Variants in SHOC1 observed in about 807,000 individuals in gnomAD.
SHOC1 encodes the protein shortage in chiasmata 1.
A neutral mutation model predicts 179.2 loss-of-function variants in SHOC1; 136 were observed. That is an observed-to-expected ratio of 0.76 (90% CI 0.66 to 0.87). SHOC1 has a LOEUF of 0.87. Ranked by LOEUF, SHOC1 falls within the 40% of genes least tolerant of loss-of-function variation. The pLI is 0.00. For missense variants in SHOC1, 1,538 were observed against 1,700.8 expected (o/e 0.90, Z 1.68); for synonymous variants, 489 against 586.6 (o/e 0.83, Z 2.41).
rs1833955765 is a variant in SHOC1 at position 111,739,807 on chromosome 9, C to T, written c.1175-1285G>A. Among the ~76,000 whole-genome samples, 3 of 152,116 alleles carry T rather than the reference C, an allele frequency of 2.0e-5. No homozygotes were observed. In the South Asian group the frequency reaches 6.2e-4, roughly 31 times the overall value. On this transcript the variant is annotated intron_variant, in intron 11 of 27. Coordinates refer to ENST00000682961, the MANE Select transcript of SHOC1 (RefSeq NM_001378211.1). ...AATGTTTCTGCTGTATCTCACTGAT[C>T]ATGCCAATATATTTTGTGATTGTTG... is the stretch of plus-strand genomic sequence containing the variant.
rs527597490 is a variant in SHOC1 at position 111,700,902 on chromosome 9, G to C, written c.3090-855C>G. 4.6e-5 allele frequency among the ~76,000 whole-genome samples: 7 copies of C among 152,286 alleles called. No homozygotes were observed. The South Asian group carries it at 8.3e-4, about 18-fold the overall frequency. ...GTGTGTCTAATGAGCTCGTCTGGTA[G>C]AGAAAATTTTACAAGTGTTATAACT... On this transcript the variant is annotated intron_variant, in intron 23 of 27. Coordinates refer to ENST00000682961, the MANE Select transcript of SHOC1 (RefSeq NM_001378211.1).
At chr9:111,697,666 C>T (rs1283264708) in intron 24 of SHOC1, among the ~76,000 whole-genome samples, 1 of 152,188 alleles carries the variant, frequency 6.6e-6, no homozygotes, top group Non-Finnish European at 1.5e-5. Flanking sequence ...GTGCATATGT[C>T]TTTATAGCAG....
rs569924824 is a variant in SHOC1 at position 111,702,005 on chromosome 9, G to C, written c.3089+100C>G. On this transcript the variant is annotated intron_variant, in intron 23 of 27. Coordinates refer to ENST00000682961, the MANE Select transcript of SHOC1 (RefSeq NM_001378211.1). ...AAAATCCTTGACTTAAAGCAAACTA[G>C]ATGAGCATGCAGAAAATTGCATAGC... 92 of 837,654 alleles carry C rather than the reference G, an allele frequency of 1.1e-4. 1 individual carries two copies. In the South Asian group the frequency reaches 2.0e-3, roughly 18 times the overall value. The allele number at this position is 837,654 out of a possible 1,614,324, so 51.9% of individuals were successfully genotyped here. A position where few individuals can be genotyped will look rare whatever the true frequency, so the allele number is the denominator to read the frequency against.
chr9:111,731,423 G>A (rs986320546), intron 12 of SHOC1, among the ~76,000 whole-genome samples: 14 of 152,268 alleles, frequency 9.2e-5, no homozygotes, highest in Admixed American at 6.5e-4. Context: ...ACAGGCCACT[G>A]TAGGGTTATT....
Position 111,733,180 on chromosome 9 carries a change from G to A in SHOC1, c.1417+5100C>T, listed in dbSNP as rs898468054. Among the ~76,000 whole-genome samples the A allele has an allele frequency of 4.6e-5, 7 of 152,124 alleles. No homozygotes were observed. The East Asian group carries it at 1.2e-3, about 25-fold the overall frequency. ...TTTGGAAAAAAAACAAATGCCTATA[G>A]GGCCAACTAAATAATGTAAATTAGT... On this transcript the variant is annotated intron_variant, in intron 12 of 27. Transcript: ENST00000682961.
At chr9:111,792,618 C>T (rs932952331) in intron 1 of SHOC1, among the ~76,000 whole-genome samples, 1 of 152,042 alleles carries the variant, frequency 6.6e-6, no homozygotes, top group African/African-American at 2.4e-5. Flanking sequence ...AAAACAAAAA[C>T]AACCCAGAGC....
intron 27 of SHOC1, among the ~76,000 whole-genome samples, chr9:111,687,408 A>G (rs750301460): frequency 6.6e-6 from 1 of 152,250 alleles, no homozygotes; most frequent in Non-Finnish European, 1.5e-5. Context: ...ATTAAAAATT[A>G]GTGATAAATG....
Position 111,692,007 on chromosome 9 carries a change from TA to T in SHOC1, c.3969del (p.Phe1323LeufsTer2), listed in dbSNP as rs904477247. The T allele has an allele frequency of 6.2e-7, 1 of 1,613,112 alleles. No homozygotes were observed. The highest frequency in any genetic ancestry group is 8.5e-7 in the Non-Finnish European group (1 of 1,179,688). On this transcript the variant is annotated frameshift_variant, in exon 27 of 28. Coordinates refer to ENST00000682961, the MANE Select transcript of SHOC1 (RefSeq NM_001378211.1). LOFTEE classifies it high-confidence loss of function. ...TQKRVSVVPRFINSQKRRTHE... is the reference protein window; with the variant it reads ...TQKRVSVVPRXINSQKRRTHE... ...TGTGTTCTCCTTTTCTGAGAATTTA[TA>T]AAACGGGGGACAACTGACACTCTCT...
intron 5 of SHOC1, among the ~76,000 whole-genome samples, chr9:111,762,374 A>G (rs1835173982): frequency 1.3e-5 from 2 of 152,078 alleles, no homozygotes; most frequent in Non-Finnish European, 2.9e-5. Context: ...GGCTGCAGTG[A>G]GCTGTGATTG....
chr9:111,785,862 C>CT, intron 3 of SHOC1, 50 bp downstream of exon 3: 5 of 1,381,758 alleles, frequency 3.6e-6, no homozygotes, highest in Non-Finnish European at 4.7e-6. Context: ...CTGTGCTAAA[C>CT]TCTGAAATGG....
At chr9:111,765,227 G>C (rs1835303673) in intron 5 of SHOC1, among the ~76,000 whole-genome samples, 1 of 151,824 alleles carries the variant, frequency 6.6e-6, no homozygotes, top group African/African-American at 2.4e-5. Context: ...TAAAATCTAA[G>C]TAAAAAACAC....
intron 12 of SHOC1, among the ~76,000 whole-genome samples, chr9:111,730,110 A>T (rs1194416807): frequency 6.6e-6 from 1 of 152,050 alleles, no homozygotes; most frequent in Non-Finnish European, 1.5e-5. Context: ...ATTCAACCAC[A>T]CCTTCAGGCT....
chr9:111,747,896 T>G (rs1834367870), intron 9 of SHOC1, among the ~76,000 whole-genome samples, 196 bp downstream of exon 9: 1 of 152,108 alleles, frequency 6.6e-6, no homozygotes, highest in Admixed American at 6.6e-5. Flanking sequence ...ATTATTCAGT[T>G]TTGATGCCAG....
Position 111,710,687 on chromosome 9 carries a change from T to C in SHOC1, c.2488+2413A>G, listed in dbSNP as rs577742269. On this transcript the variant is annotated intron_variant, in intron 18 of 27. Coordinates refer to ENST00000682961, the MANE Select transcript of SHOC1 (RefSeq NM_001378211.1). ...GGGGTGGGAAGTGGTGCCTTAGAAG[T>C]ATGCACATAATGGCCTGAGAGCACA... Among the ~76,000 whole-genome samples the C allele has an allele frequency of 1.1e-4, 16 of 152,180 alleles. No individual in the cohort carries two copies. The South Asian group carries it at 3.1e-3, about 30-fold the overall frequency.
chr9:111,756,439 G>C lies in SHOC1; in HGVS notation c.748C>G (p.Pro250Ala), dbSNP rs1020107793. Residue 250 changes from proline to alanine, a missense_variant, in exon 8 of 28, where the codon CCA (proline) becomes GCA (alanine). By Grantham distance (27) the Pro-to-Ala change is conservative. Transcript: ENST00000682961. ...FLIEYEFLIP[P>A]SLKPEIDIPS... ...ATATCAATTTCTGGTTTGAGGCTTGGAGGTATTAAGAATTCATACTCAATA... is the reference window on the plus strand; with the variant it reads ...ATATCAATTTCTGGTTTGAGGCTTGCAGGTATTAAGAATTCATACTCAATA... 1 of 1,610,102 alleles carries C rather than the reference G, an allele frequency of 6.2e-7. No individual in the cohort carries two copies. The highest frequency in any genetic ancestry group is 8.5e-7 in the Non-Finnish European group (1 of 1,178,832).
At chr9:111,729,310 G>A (rs1023615433) in intron 12 of SHOC1, among the ~76,000 whole-genome samples, 5 of 150,132 alleles carry the variant, frequency 3.3e-5, no homozygotes, top group Non-Finnish European at 7.4e-5. Flanking sequence ...GTTTTGCTAT[G>A]TTGCCCAGGC....
intron 18 of SHOC1, among the ~76,000 whole-genome samples, chr9:111,710,875 G>A (rs1304670582): frequency 6.6e-6 from 1 of 152,172 alleles, no homozygotes; most frequent in African/African-American, 2.4e-5. Flanking sequence ...GTTTGGTAAG[G>A]TAAGAGTAAA....
chr9:111,733,279 G>A (rs996750678), intron 12 of SHOC1, among the ~76,000 whole-genome samples: 3 of 152,060 alleles, frequency 2.0e-5, no homozygotes, highest in Admixed American at 6.6e-5. Flanking sequence ...CTTCCAAAAT[G>A]TAGTTTATAA....
intron 5 of SHOC1, among the ~76,000 whole-genome samples, chr9:111,770,926 T>G (rs1241668597): frequency 6.6e-6 from 1 of 152,166 alleles, no homozygotes; most frequent in East Asian, 1.9e-4. Flanking sequence ...GAGAGTTTCT[T>G]GAAGGCAGCA....
Sources: gnomAD v4.1 joint callset for allele counts (sites outside exome capture counted in the v4.1 genomes callset) on GRCh38, gnomAD v4.1.1 for gene constraint, MANE v1.5 for transcripts, NCBI Gene and HGNC (gene_info 2026-07-23, HGNC 2026-07-21) for gene names.